The following NAB1 variants were observed in gnomAD, a reference collection of about 807,000 sequenced individuals.
NAB1 encodes the protein NGFI-A binding protein 1, also known as NGFI-A-binding protein 1.
NAB1 carries 25 observed loss-of-function variants against 49.9 expected under a neutral mutation model. That is an observed-to-expected ratio of 0.50 (90% CI 0.37 to 0.70). NAB1 has a LOEUF of 0.70. NAB1 is among the 30% of genes least tolerant of loss of function. NAB1 has a pLI of 0.00. For missense variants in NAB1, 489 were observed against 575.9 expected (o/e 0.85, Z 1.54); for synonymous variants, 198 against 215.6 (o/e 0.92, Z 0.71).
Position 190,691,925 on chromosome 2 carries a change from A to G in NAB1, c.*1592A>G, listed in dbSNP as rs1457238301. On this transcript the variant is annotated 3_prime_UTR_variant, in exon 10 of 10. Coordinates refer to ENST00000337386, the MANE Select transcript of NAB1 (RefSeq NM_005966.4). This position sits in a 1 kb window ranked among gnomAD's most constrained non-coding sequence, Gnocchi z 4.1. ...AAATTGCTTCTTCATTTTAATTTGT[A>G]GAAGTACTTTACAGTAGGAAACGCC... The G allele has an allele frequency of 6.6e-6, 1 of 152,654 alleles. No individual in the cohort carries two copies. The highest frequency in any genetic ancestry group is 1.5e-5 in the Non-Finnish European group (1 of 68,032). 9.5% of individuals were successfully genotyped at this position (152,654 alleles called of 1,614,324 possible).
rs1270112618 is a variant in NAB1, at chr2:190,669,054, A to G, written c.820-1272A>G. Among the ~76,000 whole-genome samples, 1 of 152,240 alleles carries G rather than the reference A, an allele frequency of 6.6e-6. No homozygotes were observed. Among genetic ancestry groups the G allele is most frequent in the East Asian group, 1.9e-4 (1 of 5,190 alleles). On this transcript the variant is annotated intron_variant, in intron 4 of 9. Transcript: ENST00000337386. This position sits in a 1 kb window ranked among gnomAD's most constrained non-coding sequence, Gnocchi z 4.3. The stretch of plus-strand genomic sequence containing the variant: ...GGGTAACTGGAATATGAGCACTGAG[A>G]TATCAGAAGAGTCCATCTGTTGACT...
chr2:190,659,905 A>G lies in NAB1; in HGVS notation c.729A>G (p.Pro243=). 1.9e-6 allele frequency: 3 copies of G among 1,614,250 alleles called. No individual in the cohort carries two copies. The highest frequency in any genetic ancestry group is 2.5e-6 in the Non-Finnish European group (3 of 1,180,046). ...TCTTTGAGATGAACGATGATGATCC[A>G]CACAAAGAGGAGGAAATTCGGAAAT... is the stretch of plus-strand genomic sequence containing the variant. ...GHIFEMNDDD[P]HKEEEIRKYS... is the part of the protein sequence containing the mutation. The change falls in exon 4 of 10, where the codon CCA becomes CCG. Residue 243 remains proline (P), a synonymous_variant. Coordinates refer to ENST00000337386, the MANE Select transcript of NAB1 (RefSeq NM_005966.4). The surrounding 1 kb of genome is among the most constrained non-coding windows in gnomAD (Gnocchi z 6.2).
In NAB1 at chr2:190,685,399, CTGAAAT is replaced by C; in HGVS notation, c.1096-74_1096-69del. On this transcript the variant is annotated intron_variant, in intron 7 of 9. Transcript: ENST00000337386. This position sits in a 1 kb window ranked among gnomAD's most constrained non-coding sequence, Gnocchi z 4.5. ...GAATACTAAATATATTTGCTGGAGT[CTGAAAT>C]TGGCATCTTTAAACCATTAAAAAAT... 1 of 1,310,450 alleles carries C rather than the reference CTGAAAT, an allele frequency of 7.6e-7. No homozygotes were observed. The highest frequency in any genetic ancestry group is 1.6e-5 in the South Asian group (1 of 64,424). The allele number at this position is 1,310,450 out of a possible 1,614,324, so 81.2% of individuals were successfully genotyped here.
rs1048945742 is a variant in NAB1 at position 190,674,379 on chromosome 2, G to C, written c.1005+1227G>C. On this transcript the variant is annotated intron_variant, in intron 6 of 9. Coordinates refer to ENST00000337386, the MANE Select transcript of NAB1 (RefSeq NM_005966.4). This position sits in a 1 kb window ranked among gnomAD's most constrained non-coding sequence, Gnocchi z 5.7. ...ACCTAGACTTCTGTTTCTTTAGATG[G>C]CTTCAAGTCACAGCCGAGTTTCCCC... 1.3e-5 allele frequency among the ~76,000 whole-genome samples: 2 copies of C among 152,126 alleles called. No homozygotes were observed. The highest frequency in any genetic ancestry group is 6.6e-5 in the Admixed American group (1 of 15,260).
chr2:190,658,410 G>A (rs868808054), intron 3 of NAB1, among the ~76,000 whole-genome samples: 14 of 151,834 alleles, frequency 9.2e-5, no homozygotes, highest in South Asian at 8.3e-4. Context: ...ATGTAATCTC[G>A]TAGTCACCTG....
rs1164089024 is a variant in NAB1, at chr2:190,649,230, C to A, written c.-464C>A. 6.6e-6 allele frequency: 1 copy of A among 151,992 alleles called. No individual in the cohort carries two copies. Among genetic ancestry groups the A allele is most frequent in the Admixed American group, 6.5e-5 (1 of 15,270 alleles). The allele number at this position is 151,992 out of a possible 1,614,324, so 9.4% of individuals were successfully genotyped here. A position where few individuals can be genotyped will look rare whatever the true frequency, so the allele number is the denominator to read the frequency against. ...GCGCGCCCACCACCTTCCCTTCCCC[C>A]CTCGATGGGAGCGGGGGCGTCCCGG... On this transcript the variant is annotated 5_prime_UTR_variant, in exon 1 of 10. Transcript: ENST00000337386. This position sits in a 1 kb window ranked among gnomAD's most constrained non-coding sequence, Gnocchi z 6.1.
chr2:190,685,896 G>A lies in NAB1; in HGVS notation c.1258+258G>A, dbSNP rs575841996. Among the ~76,000 whole-genome samples, 8 of 152,330 alleles carry A rather than the reference G, an allele frequency of 5.3e-5. 1 individual carries two copies. In the East Asian group the frequency reaches 1.5e-3, roughly 29 times the overall value. ...TTATTTTGTAGGGGTTGGTGGGAAT[G>A]TGAGATGTCAACAGTACAGATTATT... is the stretch of plus-strand genomic sequence containing the variant. On this transcript the variant is annotated intron_variant, in intron 8 of 9. Transcript: ENST00000337386. This position sits in a 1 kb window ranked among gnomAD's most constrained non-coding sequence, Gnocchi z 4.5.
chr2:190,665,741 T>C (rs950363545), intron 4 of NAB1, among the ~76,000 whole-genome samples: 2 of 152,158 alleles, frequency 1.3e-5, no homozygotes, highest in Admixed American at 6.5e-5. Context: ...TTATGGTTGA[T>C]TGGGGGTTAT....
chr2:190,691,846 C>T lies in NAB1; in HGVS notation c.*1513C>T, dbSNP rs1489985743. On this transcript the variant is annotated 3_prime_UTR_variant, in exon 10 of 10. Transcript: ENST00000337386. The surrounding 1 kb of genome is among the most constrained non-coding windows in gnomAD (Gnocchi z 4.1). ...AATCTGTTACACTAAAATTTGTCAG[C>T]CAAATGTTAGATGAAATGTCTGCAC... The T allele has an allele frequency of 6.6e-6, 1 of 152,204 alleles. No individual in the cohort carries two copies. Among genetic ancestry groups the T allele is most frequent in the East Asian group, 1.9e-4 (1 of 5,188 alleles). 9.4% of individuals were successfully genotyped at this position (152,204 alleles called of 1,614,324 possible).
At chr2:190,658,304 C>A (rs1457349504) in intron 3 of NAB1, among the ~76,000 whole-genome samples, 1 of 152,162 alleles carries the variant, frequency 6.6e-6, no homozygotes, top group East Asian at 1.9e-4. Flanking sequence ...AAGCCTTCTA[C>A]CCTGTGCCAT....
chr2:190,650,858 G>A (rs1317359742), intron 2 of NAB1, among the ~76,000 whole-genome samples: 1 of 152,206 alleles, frequency 6.6e-6, no homozygotes, highest in Non-Finnish European at 1.5e-5. Context: ...CTTTGTAGAT[G>A]ACTGGCTAGG....
chr2:190,687,161 G>T, intron 8 of NAB1, 40 bp from the exon 9 acceptor site: 1 of 1,322,048 alleles, frequency 7.6e-7, no homozygotes, highest in Non-Finnish European at 1.0e-6. Context: ...ACCATGGTAT[G>T]TTTTTAATAT....
At chr2:190,660,207 G>A (rs1694151216) in intron 4 of NAB1, among the ~76,000 whole-genome samples, 1 of 151,632 alleles carries the variant, frequency 6.6e-6, no homozygotes, top group South Asian at 2.1e-4. Flanking sequence ...ACATGTTTGA[G>A]CTTTGGAACT....
intron 5 of NAB1, among the ~76,000 whole-genome samples, chr2:190,672,242 G>T (rs1021057909): frequency 3.9e-5 from 6 of 152,116 alleles, no homozygotes; most frequent in African/African-American, 1.4e-4. Flanking sequence ...GGCTACTGGG[G>T]TTGTGTCTAG....
Position 190,686,201 on chromosome 2 carries a change from A to C in NAB1, c.1258+563A>C, listed in dbSNP as rs1024928014. Among the ~76,000 whole-genome samples the C allele has an allele frequency of 2.6e-5, 4 of 152,288 alleles. No individual in the cohort carries two copies. The highest frequency in any genetic ancestry group is 2.6e-4 in the Admixed American group (4 of 15,294). On this transcript the variant is annotated intron_variant, in intron 8 of 9. Coordinates refer to ENST00000337386, the MANE Select transcript of NAB1 (RefSeq NM_005966.4). This position sits in a 1 kb window ranked among gnomAD's most constrained non-coding sequence, Gnocchi z 5.5. ...ATTGTTATTCACCCAACCAACAGGC[A>C]TTTTATTTTTTTAGCAATTCCTATG...
chr2:190,684,665 A>G lies in NAB1; in HGVS notation c.1096-811A>G, dbSNP rs1574478640. On this transcript the variant is annotated intron_variant, in intron 7 of 9. Transcript: ENST00000337386. This position sits in a 1 kb window ranked among gnomAD's most constrained non-coding sequence, Gnocchi z 4.6. ...CAGGGCATTTTGTAACCAATTTTATATAGCAGCTTTCTTGTCCTACTCTCT... is the reference window on the plus strand; with the variant it reads ...CAGGGCATTTTGTAACCAATTTTATGTAGCAGCTTTCTTGTCCTACTCTCT... 6.6e-6 allele frequency among the ~76,000 whole-genome samples: 1 copy of G among 152,198 alleles called. No individual in the cohort carries two copies. The highest frequency in any genetic ancestry group is 2.4e-5 in the African/African-American group (1 of 41,446).
chr2:190,690,167 G>A, intron 9 of NAB1, 78 bp from the exon 10 acceptor site: 1 of 1,017,800 alleles, frequency 9.8e-7, no homozygotes, highest in South Asian at 1.3e-5. Context: ...GAGTTTGGGG[G>A]TTTGTTTTAA....
chr2:190,664,521 TCTTTTTTCCTTCC>T (rs1416588457), intron 4 of NAB1, among the ~76,000 whole-genome samples: 2 of 111,146 alleles, frequency 1.8e-5, no homozygotes, highest in African/African-American at 3.8e-5. Flanking sequence ...TTCTTTCTTT[TCTTTTTTCCTTCC>T]TTCCTTCCTT....
Position 190,659,114 on chromosome 2 carries a change from A to G in NAB1, c.-19-44A>G. 5 of 1,328,274 alleles carry G rather than the reference A, an allele frequency of 3.8e-6. No individual in the cohort carries two copies. The highest frequency in any genetic ancestry group is 5.1e-6 in the Non-Finnish European group (5 of 975,674). 82.3% of individuals were successfully genotyped at this position (1,328,274 alleles called of 1,614,324 possible). A position where few individuals can be genotyped will look rare whatever the true frequency, so the allele number is the denominator to read the frequency against. On this transcript the variant is annotated intron_variant, in intron 3 of 9. Coordinates refer to ENST00000337386, the MANE Select transcript of NAB1 (RefSeq NM_005966.4). The surrounding 1 kb of genome is among the most constrained non-coding windows in gnomAD (Gnocchi z 6.2). ...TAACCTATTTGGTGTAAGGAGTTTG[A>G]AGCAAGTATGATGAGTTTTTACTTT... is the stretch of plus-strand genomic sequence containing the variant.
Sources: gnomAD v4.1 joint callset for allele counts (sites outside exome capture counted in the v4.1 genomes callset) on GRCh38, gnomAD v4.1.1 for gene constraint, Gnocchi (gnomAD v3.1) non-coding constraint, MANE v1.5 for transcripts, NCBI Gene and HGNC (gene_info 2026-07-23, HGNC 2026-07-21) for gene names.